NKAIN2: variants seen among roughly 807,000 people sequenced by gnomAD.
The protein encoded by NKAIN2 is sodium/potassium transporting ATPase interacting 2, also known as sodium/potassium-transporting ATPase subunit beta-1-interacting protein 2.
Under a neutral mutation model 32.6 loss-of-function variants are expected in NKAIN2, and 14 were observed. That is an observed-to-expected ratio of 0.43 (90% CI 0.28 to 0.67). The LOEUF (loss-of-function observed/expected upper bound fraction) is 0.67, where lower values mean the gene tolerates loss of function less well. Ranked by LOEUF, NKAIN2 falls within the 30% of genes least tolerant of loss-of-function variation. The probability of loss-of-function intolerance (pLI) is 0.17; values close to 1 mark genes in which losing one functional copy is unlikely to be tolerated. For missense variants in NKAIN2, 198 were observed against 258.3 expected (o/e 0.77, Z 1.60); for synonymous variants, 80 against 87.2 (o/e 0.92, Z 0.46).
intron 1 of NKAIN2, among the ~76,000 whole-genome samples, chr6:124,226,571 T>C (rs759083729): frequency 2.0e-5 from 3 of 152,026 alleles, no homozygotes; most frequent in Non-Finnish European, 4.4e-5. Flanking sequence ...CTTGGCCATG[T>C]TGTTTTGAGA....
Position 124,498,338 on chromosome 6 carries a change from A to G in NKAIN2, c.273+142991A>G, listed in dbSNP as rs1263791186. On this transcript the variant is annotated intron_variant, in intron 3 of 6. Transcript: ENST00000368417. ...TACAGAAATATCCTTGATTATTTGT[A>G]AAGGAAAGGGCCTGGAAGGAAAGGA... Among the ~76,000 whole-genome samples, 6 of 152,166 alleles carry G rather than the reference A, an allele frequency of 3.9e-5. No individual in the cohort carries two copies. The East Asian group carries it at 9.6e-4, about 24-fold the overall frequency.
intron 1 of NKAIN2, among the ~76,000 whole-genome samples, chr6:124,196,335 A>T (rs1790313349): frequency 6.6e-6 from 1 of 152,120 alleles, no homozygotes; most frequent in Non-Finnish European, 1.5e-5. Flanking sequence ...GGTGGCATGT[A>T]CTGTGCTTAT....
At chr6:124,571,506 C>G (rs1781127123) in intron 3 of NKAIN2, among the ~76,000 whole-genome samples, 1 of 152,154 alleles carries the variant, frequency 6.6e-6, no homozygotes, top group South Asian at 2.1e-4. Context: ...CTCATGAGAT[C>G]TGATGGATTT....
intron 1 of NKAIN2, among the ~76,000 whole-genome samples, chr6:123,857,677 C>G (rs1775607772): frequency 6.6e-6 from 1 of 150,430 alleles, no homozygotes; most frequent in African/African-American, 2.4e-5. Context: ...TTTAAGATAG[C>G]TCTTCTGGCA....
chr6:124,110,891 T>C (rs550883018), intron 1 of NKAIN2, among the ~76,000 whole-genome samples: 1 of 152,218 alleles, frequency 6.6e-6, no homozygotes, highest in Admixed American at 6.5e-5. Flanking sequence ...CAATCATTTA[T>C]TTTCCTTTGG....
At chr6:124,534,351 A>C (rs1244607548) in intron 3 of NKAIN2, among the ~76,000 whole-genome samples, 1 of 152,172 alleles carries the variant, frequency 6.6e-6, no homozygotes, top group Non-Finnish European at 1.5e-5. Flanking sequence ...AGGTTTTGCC[A>C]TGTTGGCCAG....
In NKAIN2 at chr6:123,931,691, G is replaced by A. The variant is rs79296817; in HGVS notation, c.54+127437G>A. 2.4e-3 allele frequency among the ~76,000 whole-genome samples: 372 copies of A among 151,876 alleles called. 4 individuals carry two copies. The East Asian group carries it at 0.036, about 15-fold the overall frequency. On this transcript the variant is annotated intron_variant, in intron 1 of 6. Coordinates refer to ENST00000368417, the MANE Select transcript of NKAIN2 (RefSeq NM_001040214.3). ...CCTTTGAATAGTCAAAGGATTTTAG[G>A]TAGTCTATGAAAATAATCTAAAAAG...
intron 4 of NKAIN2, among the ~76,000 whole-genome samples, chr6:124,785,156 T>C (rs1202264903): frequency 6.6e-6 from 1 of 152,102 alleles, no homozygotes; most frequent in African/African-American, 2.4e-5. Flanking sequence ...GTTTCTTAGT[T>C]TAGGTAATTT....
intron 1 of NKAIN2, among the ~76,000 whole-genome samples, chr6:124,002,454 T>C (rs1370607432): frequency 2.0e-5 from 3 of 152,026 alleles, no homozygotes; most frequent in Non-Finnish European, 4.4e-5. Context: ...TGTCCCTTTT[T>C]TTTTCCCCCT....
At chr6:124,489,907 T>C (rs1435807739) in intron 3 of NKAIN2, among the ~76,000 whole-genome samples, 2 of 151,860 alleles carry the variant, frequency 1.3e-5, no homozygotes, top group African/African-American at 4.8e-5. Context: ...GTCCAGTTCA[T>C]GACCTGATCG....
chr6:124,112,404 A>G (rs1465688328), intron 1 of NKAIN2, among the ~76,000 whole-genome samples: 2 of 152,144 alleles, frequency 1.3e-5, no homozygotes, highest in African/African-American at 4.8e-5. Flanking sequence ...CTTCTGCCCT[A>G]CATGGTTTCT....
At chr6:124,324,318 TA>T (rs1202705856) in intron 2 of NKAIN2, among the ~76,000 whole-genome samples, 2 of 152,212 alleles carry the variant, frequency 1.3e-5, no homozygotes, top group African/African-American at 2.4e-5. Flanking sequence ...ATACAAATTC[TA>T]TACATTTTTC....
intron 1 of NKAIN2, among the ~76,000 whole-genome samples, chr6:124,272,188 A>G (rs796607053): frequency 2.6e-5 from 4 of 152,322 alleles, no homozygotes; most frequent in Admixed American, 6.5e-5. Context: ...AATGGGGAAA[A>G]TGTCTCCAGG....
intron 3 of NKAIN2, among the ~76,000 whole-genome samples, chr6:124,463,388 G>C (rs1218153039): frequency 6.6e-6 from 1 of 152,038 alleles, no homozygotes; most frequent in Non-Finnish European, 1.5e-5. Flanking sequence ...ATCCCTTAAT[G>C]CTTCCAAGAT....
intron 1 of NKAIN2, among the ~76,000 whole-genome samples, chr6:124,071,533 C>T (rs967146291): frequency 5.3e-5 from 8 of 152,088 alleles, no homozygotes; most frequent in African/African-American, 1.9e-4. Flanking sequence ...ACAGAGTAAA[C>T]AGACAGCCTA....
chr6:124,481,218 A>G (rs563339875), intron 3 of NKAIN2, among the ~76,000 whole-genome samples: 2 of 149,210 alleles, frequency 1.3e-5, no homozygotes, highest in African/African-American at 4.9e-5. Flanking sequence ...AAAAGAAACT[A>G]TCTTAAGAAT....
intron 1 of NKAIN2, among the ~76,000 whole-genome samples, chr6:124,191,200 G>A (rs563094553): frequency 2.0e-5 from 3 of 152,256 alleles, no homozygotes; most frequent in South Asian, 4.1e-4. Context: ...AACTGGAATT[G>A]CACAAAATAT....
intron 1 of NKAIN2, among the ~76,000 whole-genome samples, chr6:124,215,425 A>G (rs979015234): frequency 6.6e-6 from 1 of 152,138 alleles, no homozygotes; most frequent in Non-Finnish European, 1.5e-5. Flanking sequence ...GATGGGCCCA[A>G]TCCTTATGTG....
At chr6:123,887,713 G>T (rs1037747077) in intron 1 of NKAIN2, among the ~76,000 whole-genome samples, 1 of 152,230 alleles carries the variant, frequency 6.6e-6, no homozygotes, top group African/African-American at 2.4e-5. Context: ...CAGAAGTCCA[G>T]AAAATTTATG....
Sources: gnomAD v4.1 joint callset for allele counts (sites outside exome capture counted in the v4.1 genomes callset) on GRCh38, gnomAD v4.1.1 for gene constraint, MANE v1.5 for transcripts, NCBI Gene and HGNC (gene_info 2026-07-23, HGNC 2026-07-21) for gene names.